The following ECPAS variants were observed in gnomAD, a reference collection of about 807,000 sequenced individuals.
ECPAS encodes the protein proteasome adapter and scaffold protein ECM29.
In ECPAS, 70 loss-of-function variants were observed where a neutral mutation model predicts 255.1. The ratio of observed to expected loss-of-function variants is 0.27; its 90% CI spans 0.23 to 0.33. The LOEUF is 0.33. ECPAS is among the 10% of genes least tolerant of loss of function. ECPAS has a pLI of 1.00. For missense variants in ECPAS, 1,817 were observed against 2,206.4 expected, an observed-to-expected ratio of 0.82 and a Z score of 3.54; for synonymous variants, 784 against 775.0, an observed-to-expected ratio of 1.01 and a Z score of -0.19.
At chr9:111,476,187 C>A (rs940310620) in intron 1 of ECPAS, among the ~76,000 whole-genome samples, 1 of 152,144 alleles carries the variant, frequency 6.6e-6, no homozygotes, top group African/African-American at 2.4e-5. Flanking sequence ...TTTATCCCAA[C>A]GAAGATCAGA....
rs1346284068 is a variant in ECPAS, at chr9:111,440,531, CAATT to C, written c.390-14_390-11del. The C allele has an allele frequency of 1.3e-6, 2 of 1,562,508 alleles. No individual in the cohort carries two copies. Among genetic ancestry groups the C allele is most frequent in the Non-Finnish European group, 1.7e-6 (2 of 1,146,820 alleles). On this transcript the variant is annotated splice_polypyrimidine_tract_variant and intron_variant, in intron 5 of 49. Transcript: ENST00000684092. ...TAAAAGATGCATTAAGCTGAAAAAACAATTACATTTATTGCAACTACTTAAAAAA... is the reference window on the plus strand; with the variant it reads ...TAAAAGATGCATTAAGCTGAAAAAACACATTTATTGCAACTACTTAAAAAA...
At chr9:111,412,634 A>G (rs2098196451) in intron 20 of ECPAS, among the ~76,000 whole-genome samples, 1 of 152,182 alleles carries the variant, frequency 6.6e-6, no homozygotes, top group South Asian at 2.1e-4. Flanking sequence ...CCATACAAAA[A>G]CAGGAGGCAG....
rs1487644648 is a variant in ECPAS at position 111,373,996 on chromosome 9, G to A, written c.4153C>T (p.Pro1385Ser). 6.2e-7 allele frequency: 1 copy of A among 1,613,432 alleles called. No homozygotes were observed. The highest frequency in any genetic ancestry group is 8.5e-7 in the Non-Finnish European group (1 of 1,179,414). Reference protein sequence around the residue: ...SVIVSLTTQCPQDLTPYSGKL... With the variant: ...SVIVSLTTQCSQDLTPYSGKL... ...CCTGAGTAAGGTGTTAGGTCCTGAG[G>A]ACACTGAGTAGTTAATGACACAATG... The change falls in exon 39 of 50, where the codon CCT becomes TCT. Residue 1385 changes from proline to serine, a missense_variant. Coordinates refer to ENST00000684092, the MANE Select transcript of ECPAS (RefSeq NM_001364929.1).
Position 111,412,069 on chromosome 9 carries a change from C to G in ECPAS, c.2159G>C (p.Gly720Ala), listed in dbSNP as rs1397601930. ...TTCTATCATTGATTTCAACTCATTC[C>G]CCGACACTGTTGATACCACTACAGA... is the stretch of plus-strand genomic sequence containing the variant. ...FYSVVVSTVS[G>A]NELKSMIEQL... is the part of the protein sequence containing the mutation. Residue 720 changes from glycine (G) to alanine (A), a missense_variant, in exon 21 of 50, where the codon GGG (glycine) becomes GCG (alanine). By Grantham distance (60) the Gly-to-Ala change is moderately conservative (BLOSUM62 0). Transcript: ENST00000684092. The G allele has an allele frequency of 4.4e-6, 7 of 1,593,506 alleles. No homozygotes were observed. Among genetic ancestry groups the G allele is most frequent in the Non-Finnish European group, 6.0e-6 (7 of 1,174,232 alleles).
At chr9:111,422,822 C>T (rs1218185612) in intron 13 of ECPAS, among the ~76,000 whole-genome samples, 2 of 152,110 alleles carry the variant, frequency 1.3e-5, no homozygotes, top group Non-Finnish European at 2.9e-5. Context: ...GAATCATAAA[C>T]ACCATTCTCA....
Position 111,437,061 on chromosome 9 carries a change from T to A in ECPAS, c.587A>T (p.Gln196Leu). 1 of 1,611,376 alleles carries A rather than the reference T, an allele frequency of 6.2e-7. No homozygotes were observed. The highest frequency in any genetic ancestry group is 8.5e-7 in the Non-Finnish European group (1 of 1,179,198). ...TCCGCCACTGTTTGAAGAAGAACCC[T>A]GTGCTGAAGATGAATTTTGGCGACT... ...SQSRQNSSSA[Q>L]GSSSNSGGGS... The change falls in exon 7 of 50, where the codon CAG becomes CTG. Residue 196 changes from glutamine to leucine, a missense_variant. Coordinates refer to ENST00000684092, the MANE Select transcript of ECPAS (RefSeq NM_001364929.1).
At chr9:111,481,941 G>A (rs541427597) in intron 1 of ECPAS, among the ~76,000 whole-genome samples, 2 of 152,310 alleles carry the variant, frequency 1.3e-5, no homozygotes, top group South Asian at 2.1e-4. Flanking sequence ...GGGGCCGAAG[G>A]GAGGAGGGAA....
intron 15 of ECPAS, 51 bp from the exon 16 acceptor site, chr9:111,420,171 A>G: frequency 7.9e-7 from 1 of 1,271,744 alleles, no homozygotes; most frequent in South Asian, 1.2e-5. Context: ...AAAAGGAAAA[A>G]AAAAATCAAT....
chr9:111,382,380 T>C (rs1310785089), intron 35 of ECPAS, among the ~76,000 whole-genome samples: 1 of 150,150 alleles, frequency 6.7e-6, no homozygotes, highest in Non-Finnish European at 1.5e-5. Context: ...CTCTCCTGCC[T>C]CAGCCTCCCA....
intron 24 of ECPAS, 96 bp downstream of exon 24, chr9:111,408,475 T>A: frequency 4.3e-6 from 3 of 690,294 alleles, no homozygotes; most frequent in Non-Finnish European, 7.1e-6. Context: ...AATGCTTAAT[T>A]AAAAATCTCA....
intron 24 of ECPAS, among the ~76,000 whole-genome samples, chr9:111,401,615 G>A (rs936875063): frequency 2.0e-5 from 3 of 152,192 alleles, no homozygotes; most frequent in African/African-American, 7.2e-5. Context: ...AAGCCTGAGG[G>A]CACTGCAGGA....
intron 48 of ECPAS, chr9:111,365,982 A>T: frequency 2.1e-6 from 1 of 478,300 alleles, no homozygotes; most frequent in Admixed American, 3.8e-5. Flanking sequence ...CCATTCTGTA[A>T]GTTTGAAATT....
rs190398531 is a variant in ECPAS, at chr9:111,437,115, A to T, written c.540-7T>A. The T allele has an allele frequency of 6.3e-7, 1 of 1,591,002 alleles. No individual in the cohort carries two copies. Among genetic ancestry groups the T allele is most frequent in the East Asian group, 2.3e-5 (1 of 44,312 alleles). ...GGATTCATTTAACACGTAACTGGAA[A>T]GGAAATAACACTTTAACCCTCTATA... On this transcript the variant is annotated splice_polypyrimidine_tract_variant and splice_region_variant and intron_variant, in intron 6 of 49. Transcript: ENST00000684092.
intron 1 of ECPAS, among the ~76,000 whole-genome samples, chr9:111,473,300 GTA>G (rs775985066): frequency 6.6e-6 from 1 of 152,096 alleles, no homozygotes; most frequent in African/African-American, 2.4e-5. Context: ...GTATATGTGT[GTA>G]TATATATCAT....
intron 35 of ECPAS, among the ~76,000 whole-genome samples, chr9:111,380,634 C>A (rs1259346691): frequency 6.6e-6 from 1 of 152,216 alleles, no homozygotes; most frequent in African/African-American, 2.4e-5. Flanking sequence ...CTAGGAAAAT[C>A]CTACATGGTA....
chr9:111,436,826 CAT>C, intron 7 of ECPAS, 112 bp downstream of exon 7: 4 of 919,778 alleles, frequency 4.3e-6, no homozygotes, highest in Non-Finnish European at 6.3e-6. Flanking sequence ...TTCTTTCAAA[CAT>C]ATTTCACTGG....
rs1180238230 is a variant in ECPAS at position 111,410,995 on chromosome 9, C to T, written c.2362G>A (p.Ala788Thr). Residue 788 changes from alanine to threonine, a missense_variant, in exon 22 of 50, where the codon GCT becomes ACT. Physicochemically the swap from Ala to Thr is moderately conservative, Grantham distance 58 (BLOSUM62 0). Coordinates refer to ENST00000684092, the MANE Select transcript of ECPAS (RefSeq NM_001364929.1). ...LPDQEELIQS[A>T]TETIGSFLDS... ...CATTAATTACCTATTGTTTCTGTAG[C>T]ACTCTGAATGAGTTCCTCTTGATCA... 6 of 1,613,766 alleles carry T rather than the reference C, an allele frequency of 3.7e-6. No individual in the cohort carries two copies. Among genetic ancestry groups the T allele is most frequent in the Non-Finnish European group, 5.1e-6 (6 of 1,179,738 alleles).
chr9:111,370,787 A>C (rs1381201238), intron 43 of ECPAS, 22 bp from the exon 44 acceptor site: 1 of 1,583,674 alleles, frequency 6.3e-7, no homozygotes, highest in Admixed American at 1.8e-5. Flanking sequence ...AAAGATGAGG[A>C]AATACTATTA....
intron 21 of ECPAS, among the ~76,000 whole-genome samples, 191 bp from the exon 22 acceptor site, chr9:111,411,333 A>G (rs2098194012): frequency 6.6e-6 from 1 of 152,222 alleles, no homozygotes; most frequent in South Asian, 2.1e-4. Context: ...TTGAGTTTCT[A>G]ACGGAATTTT....
Sources: allele counts gnomAD v4.1 joint callset (sites outside exome capture counted in the v4.1 genomes callset), GRCh38; gene constraint gnomAD v4.1.1; transcripts MANE v1.5; gene names NCBI Gene and HGNC (gene_info 2026-07-23, HGNC 2026-07-21).